ABCB4: variants seen among roughly 807,000 people sequenced by gnomAD.
ABCB4 encodes the protein ATP binding cassette subfamily B member 4.
ABCB4 carries 76 observed loss-of-function variants against 145.7 expected under a neutral mutation model. The ratio of observed to expected loss-of-function variants is 0.52; its 90% CI spans 0.43 to 0.63. ABCB4 has a LOEUF of 0.63. ABCB4 is among the 30% of genes least tolerant of loss of function. The pLI is 0.00. For missense variants in ABCB4, 1,234 were observed against 1,553.1 expected (o/e 0.79, Z 3.45); for synonymous variants, 517 against 566.8 (o/e 0.91, Z 1.25).
At chr7:87,372,241 C>T in the ABCB4 span, among the ~76,000 whole-genome samples, 6 of 152,032 alleles carry the variant, frequency 3.9e-5, no homozygotes, top group Non-Finnish European at 5.9e-5. Flanking sequence ...CTACATTAAT[C>T]TTTTATACAT....
the ABCB4 span, chr7:87,382,085 G>A: frequency 6.2e-7 from 1 of 1,610,982 alleles, no homozygotes; most frequent in Admixed American, 1.7e-5. Flanking sequence ...GTTCAGAGAA[G>A]GTACGAGATA....
chr7:87,459,330 A>AC (rs2116871219), intron 4 of ABCB4, among the ~76,000 whole-genome samples: 1 of 152,084 alleles, frequency 6.6e-6, no homozygotes, highest in South Asian at 2.1e-4. Context: ...CCTATTAACC[A>AC]CCATTCCACT....
At chr7:87,403,311 G>T in intron 26 of ABCB4, 30 bp from the exon 27 acceptor site, 1 of 1,595,066 alleles carries the variant, frequency 6.3e-7, no homozygotes, top group Admixed American at 1.7e-5. Context: ...TAAATATGTT[G>T]AATGAACTGT....
At chr7:87,376,930 G>A in the ABCB4 span, among the ~76,000 whole-genome samples, 1 of 151,964 alleles carries the variant, frequency 6.6e-6, no homozygotes, top group Non-Finnish European at 1.5e-5. Flanking sequence ...CCATTAATAG[G>A]CCAAAGTATA....
chr7:87,401,403 A>G (rs2116286520), downstream of ABCB4, among the ~76,000 whole-genome samples: 1 of 152,270 alleles, frequency 6.6e-6, no homozygotes, highest in East Asian at 1.9e-4. Context: ...TGGGAAAAGT[A>G]GTCTATTTAT....
At chr7:87,377,485 T>A in the ABCB4 span, 1 of 1,217,968 alleles carries the variant, frequency 8.2e-7, no homozygotes, top group Non-Finnish European at 1.2e-6. Context: ...TCTTTTGATC[T>A]TTTAGGTTAA....
chr7:87,439,847 A>G lies in ABCB4; in HGVS notation c.1561-10T>C. On this transcript the variant is annotated splice_polypyrimidine_tract_variant and intron_variant, in intron 13 of 27. Coordinates refer to ENST00000649586, the MANE Select transcript of ABCB4 (RefSeq NM_000443.4). ...CCAGGGTGTCAAATTTCTAACACAG[A>G]AAACATGGATCAGCTCTTGAAGTAA... 2 of 1,614,208 alleles carry G rather than the reference A, an allele frequency of 1.2e-6. No homozygotes were observed. Among genetic ancestry groups the G allele is most frequent in the Non-Finnish European group, 1.7e-6 (2 of 1,180,032 alleles).
intron 15 of ABCB4, among the ~76,000 whole-genome samples, chr7:87,429,797 C>T (rs1166141904): frequency 6.6e-6 from 1 of 151,988 alleles, no homozygotes; most frequent in Non-Finnish European, 1.5e-5. Flanking sequence ...CTGGCACATG[C>T]AAGCCTGAGT....
At chr7:87,419,573 G>T (rs1268417679) in intron 19 of ABCB4, among the ~76,000 whole-genome samples, 5 of 152,054 alleles carry the variant, frequency 3.3e-5, no homozygotes, top group Non-Finnish European at 5.9e-5. Context: ...AACATTTGAG[G>T]ATACCTACAG....
intron 17 of ABCB4, among the ~76,000 whole-genome samples, chr7:87,423,321 A>G (rs552939717): frequency 1.4e-4 from 22 of 152,300 alleles, no homozygotes; most frequent in African/African-American, 5.3e-4. Flanking sequence ...TGGACTCCCC[A>G]AGCCTTGGAA....
In ABCB4 at chr7:87,440,369, T is replaced by G; in HGVS notation, c.1390A>C (p.Asn464His). The change falls in exon 13 of 28, where the codon AAT becomes CAT. Residue 464 changes from asparagine to histidine, a missense_variant. Asn to His is a moderately conservative substitution (Grantham distance 68). Coordinates refer to ENST00000649586, the MANE Select transcript of ABCB4 (RefSeq NM_000443.4). ...NIDGQDIRNF[N>H]VNYLREIIGV... is the part of the protein sequence containing the mutation. ...ATGATTTCCCTCAGATAGTTTACATTAAAGTTCCTAATATCCTGCCCATCA... is the reference window on the plus strand; with the variant it reads ...ATGATTTCCCTCAGATAGTTTACATGAAAGTTCCTAATATCCTGCCCATCA... The G allele has an allele frequency of 6.2e-7, 1 of 1,614,162 alleles. No homozygotes were observed. The highest frequency in any genetic ancestry group is 8.5e-7 in the Non-Finnish European group (1 of 1,180,018).
rs781283313 is a variant in ABCB4 at position 87,439,672 on chromosome 7, C to A, written c.1726G>T (p.Asp576Tyr). The change falls in exon 14 of 28, where the codon GAT becomes TAT. Residue 576 changes from aspartate to tyrosine, a missense_variant. By Grantham distance (160) the Asp-to-Tyr change is radical. This residue lies in a region of ABCB4 where 467 missense variants were observed against 632.8 expected (regional missense o/e 0.74). Coordinates refer to ENST00000649586, the MANE Select transcript of ABCB4 (RefSeq NM_000443.4). ...ESEAEVQAAL[D>Y]KAREGRTTIV... ...GCTTTTTAGAGTCTACTGACCTTAT[C>A]CAGAGCTGCCTGTACCTCAGCTTCA... is the stretch of plus-strand genomic sequence containing the variant. The A allele has an allele frequency of 6.2e-7, 1 of 1,614,146 alleles. No homozygotes were observed. Among genetic ancestry groups the A allele is most frequent in the South Asian group, 1.1e-5 (1 of 91,084 alleles).
At position 87,440,564 on chromosome 7, in the gene ABCB4, T is replaced by C. The variant is rs31676; in HGVS notation, c.1357-162A>G. ...TATGCAAGAACAAAAATAAAAAGCTTATGCTCTCTCCTGATATTTATTTTC... is the reference window on the plus strand; with the variant it reads ...TATGCAAGAACAAAAATAAAAAGCTCATGCTCTCTCCTGATATTTATTTTC... On this transcript the variant is annotated intron_variant, in intron 12 of 27. Coordinates refer to ENST00000649586, the MANE Select transcript of ABCB4 (RefSeq NM_000443.4). Among the ~76,000 whole-genome samples the C allele has an allele frequency of 0.68, 103,489 of 152,102 alleles. 37,241 individuals carry two copies. The highest frequency in any genetic ancestry group is 0.79 in the Non-Finnish European group (53,434 of 67,994).
the ABCB4 span, among the ~76,000 whole-genome samples, chr7:87,373,831 A>C: frequency 6.6e-6 from 1 of 152,112 alleles, no homozygotes; most frequent in Non-Finnish European, 1.5e-5. Flanking sequence ...TGTAAGGAGA[A>C]CAAATGGTCA....
intron 4 of ABCB4, among the ~76,000 whole-genome samples, chr7:87,461,295 T>C (rs1013608071): frequency 1.3e-5 from 2 of 152,238 alleles, no homozygotes; most frequent in African/African-American, 4.8e-5. Flanking sequence ...AACTTCACAA[T>C]GTTTATGTTA....
Position 87,402,100 on chromosome 7 carries a change from A to T in ABCB4, c.3836T>A (p.Leu1279Ter). Reference protein sequence around the residue: ...MVSVQAGTQNL With the variant: ...MVSVQAGTQN ...AAAATATACTGTAGCAAAAGTTCAT[A>T]AGTTCTGTGTCCCAGCCTGGACACT... is the stretch of plus-strand genomic sequence containing the variant. The change falls in exon 28 of 28, where the codon TTA becomes TAA. Residue 1279 changes from leucine to a stop codon, truncating the protein, a stop_gained. Transcript: ENST00000649586. LOFTEE classifies it high-confidence loss of function. The T allele has an allele frequency of 6.2e-7, 1 of 1,614,126 alleles. No individual in the cohort carries two copies. Among genetic ancestry groups the T allele is most frequent in the Non-Finnish European group, 8.5e-7 (1 of 1,180,018 alleles).
chr7:87,375,497 A>T, the ABCB4 span: 25 of 585,998 alleles, frequency 4.3e-5, no homozygotes, highest in South Asian at 5.6e-4. Flanking sequence ...TAGGAAATCT[A>T]TTGGCATCAT....
intron 7 of ABCB4, 118 bp downstream of exon 7, chr7:87,451,505 T>A (rs1035980072): frequency 7.7e-6 from 8 of 1,040,378 alleles, no homozygotes; most frequent in Non-Finnish European, 1.2e-5. Context: ...TGTTACTGGA[T>A]GTAGTTTCAA....
rs796737647 is a variant in ABCB4 at position 87,409,093 on chromosome 7, A to G, written c.3081+143T>C. On this transcript the variant is annotated intron_variant, in intron 24 of 27. Transcript: ENST00000649586. ...TTTTTAAATGTCAGTCAAGTTGCCC[A>G]AATATTAGCTATATAAATATTACAA... 9 of 1,031,450 alleles carry G rather than the reference A, an allele frequency of 8.7e-6. No homozygotes were observed. In the African/African-American group the frequency reaches 1.4e-4, roughly 17 times the overall value. 63.9% of individuals were successfully genotyped at this position (1,031,450 alleles called of 1,614,324 possible). A position where few individuals can be genotyped will look rare whatever the true frequency, so the allele number is the denominator to read the frequency against.
Sources: allele counts gnomAD v4.1 joint callset (sites outside exome capture counted in the v4.1 genomes callset), GRCh38; gene constraint gnomAD v4.1.1; regional missense constraint gnomAD v4.1.1; transcripts MANE v1.5; gene names NCBI Gene and HGNC (gene_info 2026-07-23, HGNC 2026-07-21).